CPEB2: variants seen among roughly 807,000 people sequenced by gnomAD.
CPEB2 encodes cytoplasmic polyadenylation element binding protein 2.
In CPEB2, 56 loss-of-function variants were observed where a neutral mutation model predicts 93.6. The observed-to-expected ratio is 0.60, with a 90% confidence interval of 0.48 to 0.75. The LOEUF (loss-of-function observed/expected upper bound fraction) is 0.75, where lower values mean the gene tolerates loss of function less well. CPEB2 is among the 30% of genes least tolerant of loss of function. The probability of loss-of-function intolerance (pLI) is 0.00; values close to 1 mark genes in which losing one functional copy is unlikely to be tolerated. For missense variants in CPEB2, 1,579 were observed against 1,395.1 expected, an observed-to-expected ratio of 1.13 and a Z score of -2.10; for synonymous variants, 764 against 586.3, an observed-to-expected ratio of 1.30 and a Z score of -4.38.
chr4:15,003,917 C>T lies in CPEB2; in HGVS notation c.1244C>T (p.Pro415Leu). ...QPPPPQQPPQ[P>L]QPQPPGSSAT... ...CCGCCACCCCAGCAGCCGCCCCAGC[C>T]GCAGCCGCAGCCGCCCGGCTCGTCT... Residue 415 changes from proline to leucine, a missense_variant, in exon 1 of 12, where the codon CCG (proline) becomes CTG (leucine). Transcript: ENST00000538197. The T allele has an allele frequency of 7.8e-6, 8 of 1,028,326 alleles. No individual in the cohort carries two copies. Among genetic ancestry groups the T allele is most frequent in the Non-Finnish European group, 1.0e-5 (8 of 794,276 alleles). The allele number at this position is 1,028,326 out of a possible 1,614,324, so 63.7% of individuals were successfully genotyped here.
chr4:15,023,594 TTAAC>T (rs1305732954), intron 4 of CPEB2, among the ~76,000 whole-genome samples: 1 of 152,150 alleles, frequency 6.6e-6, no homozygotes, highest in East Asian at 1.9e-4. Flanking sequence ...TCCAACCTGG[TTAAC>T]TTTTTTAAAA....
In CPEB2 at chr4:15,003,992, C is replaced by A. The variant is rs1307837106; in HGVS notation, c.1319C>A (p.Pro440Gln). ...GGCGGCTCGCTCAGCGCCATGCCGC[C>A]GCCCAGCCCCGACTCAGAGAACGGC... The part of the protein sequence containing the change: ...GSGGSLSAMP[P>Q]PSPDSENGFY... Residue 440 changes from proline to glutamine, a missense_variant, in exon 1 of 12, where the codon CCG becomes CAG. Coordinates refer to ENST00000538197, the MANE Select transcript of CPEB2 (RefSeq NM_001177382.2). 3 of 1,503,808 alleles carry A rather than the reference C, an allele frequency of 2.0e-6. No homozygotes were observed. The highest frequency in any genetic ancestry group is 2.9e-5 in the African/African-American group (2 of 68,822). 93.2% of individuals were successfully genotyped at this position (1,503,808 alleles called of 1,614,324 possible). A position where few individuals can be genotyped will look rare whatever the true frequency, so the allele number is the denominator to read the frequency against.
Position 15,062,063 on chromosome 4 carries a change from TCTTTTC to T in CPEB2, c.2696-9_2696-4del, listed in dbSNP as rs919862129. 4.4e-6 allele frequency: 7 copies of T among 1,581,910 alleles called. No homozygotes were observed. In the African/African-American group the frequency reaches 9.5e-5, roughly 21 times the overall value. The stretch of plus-strand genomic sequence containing the variant: ...TGTTCTCTCACATTTGATGTAAACT[TCTTTTC>T]CTTTTCAAGTGGAACTTGCTATGAT... On this transcript the variant is annotated splice_polypyrimidine_tract_variant and intron_variant, in intron 10 of 11. Coordinates refer to ENST00000538197, the MANE Select transcript of CPEB2 (RefSeq NM_001177382.2).
At chr4:15,027,980 C>T (rs76980737) in intron 4 of CPEB2, among the ~76,000 whole-genome samples, 1 of 152,118 alleles carries the variant, frequency 6.6e-6, no homozygotes, top group Non-Finnish European at 1.5e-5. Flanking sequence ...GTGCGTTTAA[C>T]CACTGCACCA....
chr4:15,009,483 T>C (rs1195548724), intron 3 of CPEB2, among the ~76,000 whole-genome samples: 2 of 152,218 alleles, frequency 1.3e-5, no homozygotes, highest in Non-Finnish European at 2.9e-5. Flanking sequence ...GTTAGCTATT[T>C]ACCTCTACTC....
intron 5 of CPEB2, 114 bp from the exon 6 acceptor site, chr4:15,040,345 TAAAAC>T (rs770485312): frequency 2.3e-5 from 20 of 871,682 alleles, no homozygotes; most frequent in Non-Finnish European, 3.4e-5. Flanking sequence ...TCATTGCTCT[TAAAAC>T]AAAGTAGCAC....
At chr4:15,016,351 A>G (rs1023323324) in intron 3 of CPEB2, among the ~76,000 whole-genome samples, 3 of 152,052 alleles carry the variant, frequency 2.0e-5, no homozygotes, top group Non-Finnish European at 4.4e-5. Context: ...TACACTGAGT[A>G]TGTATTGAAC....
chr4:15,013,934 C>A (rs1357898663), intron 3 of CPEB2, among the ~76,000 whole-genome samples: 1 of 151,958 alleles, frequency 6.6e-6, no homozygotes, highest in South Asian at 2.1e-4. Context: ...CAGTTAGATA[C>A]AGACATTCAA....
chr4:15,013,983 C>T (rs1345963070), intron 3 of CPEB2, among the ~76,000 whole-genome samples: 1 of 151,966 alleles, frequency 6.6e-6, no homozygotes, highest in East Asian at 1.9e-4. Context: ...TTGAATAACA[C>T]CTCTCAAAAT....
chr4:15,045,374 CAT>C (rs1393707619), intron 6 of CPEB2, among the ~76,000 whole-genome samples: 2 of 152,024 alleles, frequency 1.3e-5, no homozygotes, highest in Admixed American at 6.6e-5. Context: ...AATACCTGTA[CAT>C]ATGTGTGTAT....
chr4:15,029,394 G>A lies in CPEB2; in HGVS notation c.2126-3767G>A, dbSNP rs569100079. ...ACGAATAAGAAAATTTTTAAGATAC[G>A]ATAGATCCTCTAGTTATTCACTGAT... On this transcript the variant is annotated intron_variant, in intron 4 of 11. Transcript: ENST00000538197. Among the ~76,000 whole-genome samples, 4 of 151,926 alleles carry A rather than the reference G, an allele frequency of 2.6e-5. No homozygotes were observed. The South Asian group carries it at 6.2e-4, about 24-fold the overall frequency.
At chr4:15,054,066 A>G in intron 7 of CPEB2, 62 bp from the exon 8 acceptor site, 1 of 1,117,522 alleles carries the variant, frequency 8.9e-7, no homozygotes, top group East Asian at 2.5e-5. Context: ...GTAACAGTAC[A>G]GAATTTCTTA....
chr4:15,002,761 C>G lies in CPEB2; in HGVS notation c.88C>G (p.Pro30Ala). ...CCTGTTCTGCGGCGAGGCGTATGGT[C>G]CTTACGCCGTGGGGTCCGTCAACCC... The part of the protein sequence containing the change: ...GPLFCGEAYG[P>A]YAVGSVNPLP... The change falls in exon 1 of 12, where the codon CCT becomes GCT. Residue 30 changes from proline to alanine, a missense_variant. This residue lies in a region of CPEB2 where 1,411 missense variants were observed against 1,056.0 expected (regional missense o/e 1.34). Transcript: ENST00000538197. The G allele has an allele frequency of 6.5e-7, 1 of 1,535,592 alleles. No individual in the cohort carries two copies. The highest frequency in any genetic ancestry group is 8.7e-7 in the Non-Finnish European group (1 of 1,146,702).
intron 5 of CPEB2, among the ~76,000 whole-genome samples, chr4:15,039,676 A>G (rs948103690): frequency 2.0e-5 from 3 of 151,266 alleles, no homozygotes; most frequent in South Asian, 2.1e-4. Context: ...TTTTTTTTCC[A>G]TAGGAATTAT....
Position 15,059,253 on chromosome 4 carries a change from C to T in CPEB2, c.2647C>T (p.Pro883Ser). Residue 883 changes from proline (P) to serine (S), a missense_variant, in exon 10 of 12, where the codon CCC (proline) becomes TCC (serine). Coordinates refer to ENST00000538197, the MANE Select transcript of CPEB2 (RefSeq NM_001177382.2). ...FVMDGSQPLDPRKTIFVGGVP... is the reference protein window; with the variant it reads ...FVMDGSQPLDSRKTIFVGGVP... ...AATGGATGGTTCTCAGCCTTTGGAT[C>T]CCCGAAAAACAATTTTTGTTGGAGG... The T allele has an allele frequency of 9.3e-6, 15 of 1,613,194 alleles. No individual in the cohort carries two copies. The highest frequency in any genetic ancestry group is 1.3e-5 in the Non-Finnish European group (15 of 1,179,372).
intron 5 of CPEB2, among the ~76,000 whole-genome samples, chr4:15,038,662 A>G (rs888153009): frequency 1.4e-5 from 2 of 148,054 alleles, no homozygotes; most frequent in Non-Finnish European, 3.0e-5. Context: ...TATCTCATCT[A>G]CCTGCAACCT....
At chr4:15,024,361 T>C (rs1300300141) in intron 4 of CPEB2, among the ~76,000 whole-genome samples, 2 of 152,160 alleles carry the variant, frequency 1.3e-5, no homozygotes, top group African/African-American at 4.8e-5. Context: ...TATTAAAACA[T>C]AATGTTTCTA....
rs1477364902 is a variant in CPEB2 at position 15,066,181 on chromosome 4, A to G, written c.2906A>G (p.Asp969Gly). 6.2e-7 allele frequency: 1 copy of G among 1,613,288 alleles called. No individual in the cohort carries two copies. The highest frequency in any genetic ancestry group is 8.5e-7 in the Non-Finnish European group (1 of 1,179,622). ...RVEVKPYVLD[D>G]QMCDECQGAR... is the part of the protein sequence containing the mutation. ...GAGGTAAAGCCATATGTGCTAGATG[A>G]CCAGATGTGTGATGAATGCCAGGGC... The change falls in exon 12 of 12, where the codon GAC becomes GGC. Residue 969 changes from aspartate to glycine, a missense_variant. Physicochemically the swap from Asp to Gly is moderately conservative, Grantham distance 94 (BLOSUM62 -1). Transcript: ENST00000538197.
At chr4:15,055,639 T>C (rs1002839511) in intron 8 of CPEB2, among the ~76,000 whole-genome samples, 1 of 152,180 alleles carries the variant, frequency 6.6e-6, no homozygotes, top group East Asian at 1.9e-4. Context: ...TGAAAACTCA[T>C]TGGATGGTGC....
Sources: allele counts gnomAD v4.1 joint callset (sites outside exome capture counted in the v4.1 genomes callset), GRCh38; gene constraint gnomAD v4.1.1; regional missense constraint gnomAD v4.1.1; transcripts MANE v1.5; gene names NCBI Gene and HGNC (gene_info 2026-07-23, HGNC 2026-07-21).